Variants in PELI2 observed in about 807,000 individuals in gnomAD.
The protein encoded by PELI2 is pellino E3 ubiquitin protein ligase family member 2, also known as E3 ubiquitin-protein ligase pellino homolog 2.
PELI2 carries 23 observed loss-of-function variants against 42.3 expected under a neutral mutation model. The observed-to-expected ratio is 0.54, with a 90% confidence interval of 0.39 to 0.77. The LOEUF (loss-of-function observed/expected upper bound fraction) is 0.77, where lower values mean the gene tolerates loss of function less well. PELI2 is among the 30% of genes least tolerant of loss of function. PELI2 has a pLI of 0.00. For synonymous variants in PELI2, 245 were observed against 212.2 expected (o/e 1.15, Z -1.34); for missense variants, 463 against 553.2 (o/e 0.84, Z 1.64).
chr14:56,247,533 T>C (rs10220618), intron 2 of PELI2, among the ~76,000 whole-genome samples: 2,175 of 152,338 alleles, frequency 0.014, 22 homozygotes, highest in Middle Eastern at 0.058. Context: ...TGGCCTGTTT[T>C]TATAATGTAG....
At chr14:56,128,570 C>G (rs1388210241) in intron 1 of PELI2, among the ~76,000 whole-genome samples, 4 of 151,954 alleles carry the variant, frequency 2.6e-5, no homozygotes, top group African/African-American at 4.8e-5. Flanking sequence ...GGGCAGTTGG[C>G]CTTTAGCAGA....
intron 2 of PELI2, among the ~76,000 whole-genome samples, chr14:56,267,504 A>G (rs1260848789): frequency 6.6e-6 from 1 of 152,162 alleles, no homozygotes; most frequent in Non-Finnish European, 1.5e-5. Flanking sequence ...GGTACTTCCA[A>G]GGAAAGACAT....
At chr14:56,137,785 C>T (rs531853953) in intron 1 of PELI2, among the ~76,000 whole-genome samples, 163 of 152,254 alleles carry the variant, frequency 1.1e-3, no homozygotes, top group Non-Finnish European at 1.9e-3. Flanking sequence ...TTTAGGGAGT[C>T]GAAAACATTG....
rs112460960 is a variant in PELI2, at chr14:56,300,477, C to A, written c.*3311C>A. 6.6e-6 allele frequency: 1 copy of A among 150,590 alleles called. No homozygotes were observed. Among genetic ancestry groups the A allele is most frequent in the Admixed American group, 6.6e-5 (1 of 15,128 alleles). The allele number at this position is 150,590 out of a possible 1,614,324, so 9.3% of individuals were successfully genotyped here. A position where few individuals can be genotyped will look rare whatever the true frequency, so the allele number is the denominator to read the frequency against. On this transcript the variant is annotated 3_prime_UTR_variant, in exon 6 of 6. Transcript: ENST00000267460. ...TTTTTTTTTCATGGAAAAACTCAAA[C>A]CTCTGTTATTTGGGAGCTCAGTATT...
intron 2 of PELI2, among the ~76,000 whole-genome samples, chr14:56,188,479 T>A (rs1885849610): frequency 6.6e-6 from 1 of 152,218 alleles, no homozygotes; most frequent in Admixed American, 6.5e-5. Flanking sequence ...TTTCCCTGTA[T>A]CATAAAATGA....
chr14:56,158,683 A>G (rs1004430047), intron 1 of PELI2, among the ~76,000 whole-genome samples: 10 of 152,146 alleles, frequency 6.6e-5, no homozygotes, highest in African/African-American at 2.2e-4. Context: ...ACTTCTTACT[A>G]TAGTAGAAGT....
intron 2 of PELI2, among the ~76,000 whole-genome samples, chr14:56,227,154 G>A (rs1887386626): frequency 6.6e-6 from 1 of 152,226 alleles, no homozygotes; most frequent in Non-Finnish European, 1.5e-5. Flanking sequence ...CAGCCCAGAA[G>A]TCATTAGGTG....
At chr14:56,245,301 T>G (rs1888112027) in intron 2 of PELI2, among the ~76,000 whole-genome samples, 1 of 152,186 alleles carries the variant, frequency 6.6e-6, no homozygotes, top group Non-Finnish European at 1.5e-5. Flanking sequence ...TATTAATTAA[T>G]TAGCTTAGAT....
chr14:56,267,002 T>G (rs1470952547), intron 2 of PELI2, among the ~76,000 whole-genome samples: 1 of 152,088 alleles, frequency 6.6e-6, no homozygotes, highest in Non-Finnish European at 1.5e-5. Context: ...ATGTGTATAC[T>G]GTGCTGGTAT....
intron 5 of PELI2, among the ~76,000 whole-genome samples, chr14:56,293,593 G>A (rs753681313): frequency 2.0e-5 from 3 of 152,158 alleles, no homozygotes; most frequent in Non-Finnish European, 4.4e-5. Flanking sequence ...TACTAAGCAG[G>A]GGTTGCAAAC....
rs549115111 is a variant in PELI2, at chr14:56,185,493, T to G, written c.207+7029T>G. 2.0e-5 allele frequency among the ~76,000 whole-genome samples: 3 copies of G among 152,338 alleles called. No individual in the cohort carries two copies. The East Asian group carries it at 5.8e-4, about 29-fold the overall frequency. ...TTAAGCCAGGCAGTGTTACTTTCAC[T>G]GATTTAAGATCTGAAGCAGCATACC... On this transcript the variant is annotated intron_variant, in intron 2 of 5. Transcript: ENST00000267460.
chr14:56,146,637 A>T (rs1321181410), intron 1 of PELI2, among the ~76,000 whole-genome samples: 1 of 152,158 alleles, frequency 6.6e-6, no homozygotes, highest in East Asian at 1.9e-4. Context: ...GTCTTGGAGG[A>T]ATGGGTGGTT....
intron 3 of PELI2, among the ~76,000 whole-genome samples, chr14:56,287,941 T>C (rs977692484): frequency 2.0e-5 from 3 of 152,226 alleles, no homozygotes; most frequent in Non-Finnish European, 4.4e-5. Context: ...ATTCCTCCCA[T>C]TGGCAACTTC....
intron 1 of PELI2, among the ~76,000 whole-genome samples, chr14:56,154,672 A>G (rs536871208): frequency 2.0e-5 from 3 of 152,336 alleles, no homozygotes; most frequent in African/African-American, 7.2e-5. Context: ...ACAGACATTC[A>G]TGTTTACATT....
chr14:56,118,758 TC>T, intron 1 of PELI2, 21 bp downstream of exon 1: 1 of 1,456,378 alleles, frequency 6.9e-7, no homozygotes, highest in Non-Finnish European at 9.2e-7. Context: ...GGGTCCCTGG[TC>T]CCGGGCAGCG....
Position 56,273,261 on chromosome 14 carries a change from A to G in PELI2, c.208-6415A>G, listed in dbSNP as rs1444081005. Among the ~76,000 whole-genome samples the G allele has an allele frequency of 6.6e-6, 1 of 152,192 alleles. No homozygotes were observed. Among genetic ancestry groups the G allele is most frequent in the Admixed American group, 6.5e-5 (1 of 15,274 alleles). On this transcript the variant is annotated intron_variant, in intron 2 of 5. Transcript: ENST00000267460. The surrounding 1 kb of genome is among the most constrained non-coding windows in gnomAD (Gnocchi z 4.3). ...CTGTGGCTTTGGCTTCTTGGAGCCT[A>G]GTGGCATGTACGTAGTCAGGCTTCT... is the stretch of plus-strand genomic sequence containing the variant.
intron 2 of PELI2, among the ~76,000 whole-genome samples, chr14:56,215,472 A>C (rs960406546): frequency 1.3e-5 from 2 of 152,236 alleles, no homozygotes; most frequent in African/African-American, 4.8e-5. Flanking sequence ...GAAGGAAATA[A>C]TACTTGTCTT....
chr14:56,277,006 A>G (rs1484549820), intron 2 of PELI2, among the ~76,000 whole-genome samples: 1 of 152,162 alleles, frequency 6.6e-6, no homozygotes, highest in Non-Finnish European at 1.5e-5. Flanking sequence ...TGTGCTACAT[A>G]GTCTTATAGT....
chr14:56,297,083 C>T lies in PELI2; in HGVS notation c.1180C>T (p.His394Tyr). Residue 394 changes from histidine (H) to tyrosine (Y), a missense_variant, in exon 6 of 6, where the codon CAC becomes TAC. Around this residue, in one of 3 missense-constraint regions of PELI2, gnomAD observed 103 missense variants for 129.6 expected, o/e 0.80. Coordinates refer to ENST00000267460, the MANE Select transcript of PELI2 (RefSeq NM_021255.3). ...IPLPHGTHAF[H>Y]AACPFCATQL... is the part of the protein sequence containing the mutation. ...GTTGCCTCATGGAACTCATGCATTT[C>T]ACGCTGCTTGCCCTTTCTGTGCTAC... 1.2e-6 allele frequency: 2 copies of T among 1,611,240 alleles called. No homozygotes were observed. The highest frequency in any genetic ancestry group is 2.2e-5 in the South Asian group (2 of 91,084).
Sources: allele counts gnomAD v4.1 joint callset (sites outside exome capture counted in the v4.1 genomes callset), GRCh38; gene constraint gnomAD v4.1.1; regional missense constraint gnomAD v4.1.1; non-coding constraint Gnocchi (gnomAD v3.1); transcripts MANE v1.5; gene names NCBI Gene and HGNC (gene_info 2026-07-23, HGNC 2026-07-21).